The following KIAA1217 variants were observed in gnomAD, a reference collection of about 807,000 sequenced individuals.
KIAA1217 encodes sickle tail protein homolog.
KIAA1217 carries 88 observed loss-of-function variants against 163.9 expected under a neutral mutation model. The observed-to-expected ratio is 0.54, with a 90% CI of 0.45 to 0.64. KIAA1217 has a LOEUF of 0.64. Ranked by LOEUF, KIAA1217 falls within the 30% of genes least tolerant of loss-of-function variation. The probability of loss-of-function intolerance (pLI) is 0.00; values close to 1 mark genes in which losing one functional copy is unlikely to be tolerated. For missense variants in KIAA1217, 2,372 were observed against 2,475.0 expected, an observed-to-expected ratio of 0.96 and a Z score of 0.88; for synonymous variants, 903 against 923.1, an observed-to-expected ratio of 0.98 and a Z score of 0.39.
At chr10:24,147,832 C>CAAAAAAAAAAAAAAAAAAAAAA (rs1176106711) in intron 2 of KIAA1217, among the ~76,000 whole-genome samples, 38 of 20,770 alleles carry the variant, frequency 1.8e-3, no homozygotes, top group Non-Finnish European at 2.5e-3. Context: ...TACTCTGTCT[C>CAAAAAAAAAAAAAAAAAAAAAA]AAAAAAAAAA....
intron 2 of KIAA1217, among the ~76,000 whole-genome samples, chr10:24,370,058 G>A (rs56042619): frequency 0.16 from 23,803 of 152,000 alleles, 2,112 homozygotes; most frequent in South Asian, 0.3. Context: ...GAGGTCAGGA[G>A]ATCGAGACCA....
chr10:24,464,622 A>G (rs1266023694), intron 5 of KIAA1217, among the ~76,000 whole-genome samples: 4 of 152,100 alleles, frequency 2.6e-5, no homozygotes, highest in Non-Finnish European at 5.9e-5. Context: ...AGTAGCTGGG[A>G]ACACAGGCAT....
intron 1 of KIAA1217, among the ~76,000 whole-genome samples, chr10:23,702,009 T>G (rs1836485529): frequency 6.6e-6 from 1 of 152,128 alleles, no homozygotes; most frequent in South Asian, 2.1e-4. Context: ...AAAGAGAGCC[T>G]TGGGTTTAGT....
intron 1 of KIAA1217, among the ~76,000 whole-genome samples, chr10:23,891,522 C>T (rs1351725725): frequency 6.6e-6 from 1 of 151,942 alleles, no homozygotes; most frequent in Non-Finnish European, 1.5e-5. Flanking sequence ...TGATCTTTGC[C>T]TCCTCAGATC....
intron 2 of KIAA1217, among the ~76,000 whole-genome samples, chr10:24,324,733 A>G (rs1272962925): frequency 6.6e-6 from 1 of 152,070 alleles, no homozygotes; most frequent in African/African-American, 2.4e-5. Flanking sequence ...TCTTTGTATT[A>G]TATCTTAGAC....
chr10:24,093,004 CT>C (rs1473436672), intron 2 of KIAA1217, among the ~76,000 whole-genome samples: 21 of 149,430 alleles, frequency 1.4e-4, no homozygotes, highest in Admixed American at 9.3e-4. Context: ...TGAACTGAGA[CT>C]TTTTTTTAGA....
chr10:24,489,240 CAA>C (rs899981242), intron 6 of KIAA1217, among the ~76,000 whole-genome samples: 1 of 133,630 alleles, frequency 7.5e-6, no homozygotes, highest in Non-Finnish European at 1.6e-5. Context: ...GACCTTGTCT[CAA>C]AAAAAAAAAA....
At chr10:24,514,128 G>A (rs4748949) in intron 10 of KIAA1217, among the ~76,000 whole-genome samples, 20,251 of 152,052 alleles carry the variant, frequency 0.13, 1,466 homozygotes, top group East Asian at 0.21. Context: ...TTACTCCCCC[G>A]TCACCAGGCA....
chr10:23,865,907 G>T (rs1266819476), intron 1 of KIAA1217, among the ~76,000 whole-genome samples: 2 of 152,004 alleles, frequency 1.3e-5, no homozygotes, highest in Non-Finnish European at 2.9e-5. Flanking sequence ...TCAAATCTTT[G>T]TCTGGATTCT....
upstream of KIAA1217, among the ~76,000 whole-genome samples, chr10:24,206,023 G>A (rs12570561): frequency 0.11 from 16,600 of 152,118 alleles, 1,323 homozygotes; most frequent in East Asian, 0.38. Flanking sequence ...CTCGTCACTT[G>A]TCTTTCCTTT....
At chr10:23,768,999 C>T (rs1398108299) in intron 1 of KIAA1217, among the ~76,000 whole-genome samples, 1 of 152,196 alleles carries the variant, frequency 6.6e-6, no homozygotes. Flanking sequence ...AACAAGTTCA[C>T]CTTGCCTGCT....
chr10:23,738,245 C>T (rs892318672), intron 1 of KIAA1217, among the ~76,000 whole-genome samples: 1 of 152,088 alleles, frequency 6.6e-6, no homozygotes, highest in Non-Finnish European at 1.5e-5. Flanking sequence ...TTAAGTTTCT[C>T]TGGAAGATGT....
intron 1 of KIAA1217, among the ~76,000 whole-genome samples, chr10:23,967,561 A>G (rs1845116516): frequency 6.6e-6 from 1 of 152,214 alleles, no homozygotes; most frequent in Non-Finnish European, 1.5e-5. Context: ...AAGTGTATTC[A>G]ATATCACTTA....
intron 2 of KIAA1217, among the ~76,000 whole-genome samples, chr10:24,269,796 A>C (rs2076597016): frequency 6.6e-6 from 1 of 152,234 alleles, no homozygotes; most frequent in Non-Finnish European, 1.5e-5. Context: ...GATATTTATC[A>C]AGGGGCATTT....
At position 24,540,157 on chromosome 10, in the gene KIAA1217, T is replaced by A. The variant is rs1159105037; in HGVS notation, c.3535-2536T>A. 3.9e-5 allele frequency among the ~76,000 whole-genome samples: 6 copies of A among 152,342 alleles called. No homozygotes were observed. The East Asian group carries it at 9.6e-4, about 24-fold the overall frequency. ...GTGAAAACCAAACTTCACATTTTTA[T>A]CCTAGTGACTTTCCATTAGAGCATT... On this transcript the variant is annotated intron_variant, in intron 17 of 20. Coordinates refer to ENST00000376454, the MANE Select transcript of KIAA1217 (RefSeq NM_019590.5).
At chr10:24,526,698 C>T (rs2072240595) in intron 13 of KIAA1217, among the ~76,000 whole-genome samples, 1 of 152,124 alleles carries the variant, frequency 6.6e-6, no homozygotes, top group Non-Finnish European at 1.5e-5. Flanking sequence ...ATTACTGAGC[C>T]TGTTATGTAC....
intron 1 of KIAA1217, among the ~76,000 whole-genome samples, chr10:24,212,936 G>C (rs891242456): frequency 6.6e-6 from 1 of 152,156 alleles, no homozygotes; most frequent in African/African-American, 2.4e-5. Context: ...TTGGGACTTT[G>C]AGTTTATTAT....
chr10:24,496,771 A>C (rs964122849), intron 8 of KIAA1217, among the ~76,000 whole-genome samples: 1 of 152,240 alleles, frequency 6.6e-6, no homozygotes, highest in South Asian at 2.1e-4. Flanking sequence ...AAGATGCCTC[A>C]GTCCCTTTAA....
At chr10:24,536,996 T>A (rs542095649) in intron 17 of KIAA1217, 103 bp downstream of exon 17, 1 of 1,358,298 alleles carries the variant, frequency 7.4e-7, no homozygotes, top group Admixed American at 2.3e-5. Flanking sequence ...CTCTGTCTTT[T>A]TTCTCTCTCT....
Sources: allele counts gnomAD v4.1 joint callset (sites outside exome capture counted in the v4.1 genomes callset), GRCh38; gene constraint gnomAD v4.1.1; transcripts MANE v1.5; gene names NCBI Gene and HGNC (gene_info 2026-07-23, HGNC 2026-07-21).